JAZF1: variants seen among roughly 807,000 people sequenced by gnomAD.
JAZF1 encodes the protein JAZF zinc finger 1, also known as juxtaposed with another zinc finger protein 1.
Under a neutral mutation model 26.4 loss-of-function variants are expected in JAZF1, and 8 were observed. The observed-to-expected ratio is 0.30, with a 90% CI of 0.18 to 0.55. The LOEUF is 0.55. JAZF1 is among the 20% of genes least tolerant of loss of function. JAZF1 has a pLI of 0.94. For missense variants in JAZF1, 199 were observed against 322.0 expected, an observed-to-expected ratio of 0.62 and a Z score of 2.92; for synonymous variants, 126 against 122.3, an observed-to-expected ratio of 1.03 and a Z score of -0.20.
intron 2 of JAZF1, among the ~76,000 whole-genome samples, chr7:27,916,829 C>G (rs1415103721): frequency 6.6e-6 from 1 of 152,230 alleles, no homozygotes; most frequent in Admixed American, 6.5e-5. Context: ...ACTCAAAAAT[C>G]CCACCGCTCT....
chr7:27,887,814 T>C (rs1165511845), intron 3 of JAZF1, among the ~76,000 whole-genome samples: 1 of 152,204 alleles, frequency 6.6e-6, no homozygotes, highest in East Asian at 1.9e-4. Context: ...CCTATTTCCT[T>C]GTTGCCATCC....
At chr7:28,116,709 A>C (rs1368894871) in intron 1 of JAZF1, among the ~76,000 whole-genome samples, 3 of 152,110 alleles carry the variant, frequency 2.0e-5, no homozygotes, top group East Asian at 3.9e-4. Context: ...CAGTCTCCCA[A>C]AGTGCTGGGA....
At chr7:27,950,552 A>G (rs1373545923) in intron 2 of JAZF1, among the ~76,000 whole-genome samples, 4 of 152,198 alleles carry the variant, frequency 2.6e-5, no homozygotes, top group Non-Finnish European at 1.5e-5. Context: ...TTTACCAAAA[A>G]CCAGGATTTT....
intron 2 of JAZF1, among the ~76,000 whole-genome samples, chr7:27,915,596 A>G (rs2128346585): frequency 6.6e-6 from 1 of 152,368 alleles, no homozygotes; most frequent in South Asian, 2.1e-4. Context: ...ATCCTGAATA[A>G]GGTGAAGTGC....
At chr7:27,897,416 C>A (rs1234164223) in intron 2 of JAZF1, among the ~76,000 whole-genome samples, 2 of 152,154 alleles carry the variant, frequency 1.3e-5, no homozygotes, top group Non-Finnish European at 2.9e-5. Flanking sequence ...CAGGTTTATT[C>A]TCTGTAAAAT....
chr7:28,113,229 T>C lies in JAZF1; in HGVS notation c.115+67234A>G, dbSNP rs569642028. The stretch of plus-strand genomic sequence containing the variant: ...GTTGCTTTATGGCGACAGACTACAG[T>C]ATTTAGAGATGGAAATGATCGCCAG... On this transcript the variant is annotated intron_variant, in intron 1 of 4. Coordinates refer to ENST00000283928, the MANE Select transcript of JAZF1 (RefSeq NM_175061.4). 5.9e-5 allele frequency among the ~76,000 whole-genome samples: 9 copies of C among 152,194 alleles called. No homozygotes were observed. The South Asian group carries it at 1.9e-3, about 32-fold the overall frequency.
intron 1 of JAZF1, among the ~76,000 whole-genome samples, chr7:28,134,947 T>C (rs1782857259): frequency 6.6e-6 from 1 of 152,210 alleles, no homozygotes; most frequent in Admixed American, 6.5e-5. Context: ...GCTTTATATA[T>C]ACACGTGCTC....
chr7:28,000,331 T>G (rs1027484222), intron 1 of JAZF1, among the ~76,000 whole-genome samples: 17 of 152,294 alleles, frequency 1.1e-4, no homozygotes, highest in Admixed American at 6.5e-4. Flanking sequence ...GCAGGGATGC[T>G]GCTGAACACC....
At chr7:27,878,106 G>C (rs545505978) in intron 3 of JAZF1, among the ~76,000 whole-genome samples, 26 of 152,302 alleles carry the variant, frequency 1.7e-4, no homozygotes, top group African/African-American at 6.3e-4. Flanking sequence ...TGGCTCGATG[G>C]GGTCTCAGGA....
chr7:28,054,157 A>G (rs533866115), intron 1 of JAZF1, among the ~76,000 whole-genome samples: 3 of 152,292 alleles, frequency 2.0e-5, no homozygotes, highest in Admixed American at 2.0e-4. Flanking sequence ...ATATAATCCT[A>G]TATCTACTTA....
At chr7:27,865,644 C>T (rs951928591) in intron 3 of JAZF1, among the ~76,000 whole-genome samples, 1 of 151,988 alleles carries the variant, frequency 6.6e-6, no homozygotes, top group African/African-American at 2.4e-5. Context: ...TGGCGACCAT[C>T]GACAAGATGT....
chr7:28,179,557 G>C lies in JAZF1; in HGVS notation c.115+906C>G, dbSNP rs1401806806. Among the ~76,000 whole-genome samples the C allele has an allele frequency of 1.1e-4, 16 of 151,774 alleles. No individual in the cohort carries two copies. The East Asian group carries it at 3.1e-3, about 30-fold the overall frequency. The stretch of plus-strand genomic sequence containing the variant: ...GGGTGCATTTAAATGCCCGGCCATG[G>C]GCCCTGGGGGTGTCTCTCCAGCGGG... On this transcript the variant is annotated intron_variant, in intron 1 of 4. Transcript: ENST00000283928.
intron 1 of JAZF1, among the ~76,000 whole-genome samples, chr7:28,093,836 C>T (rs534789396): frequency 3.3e-5 from 5 of 152,216 alleles, no homozygotes; most frequent in Non-Finnish European, 7.3e-5. Context: ...GTGGCAATGC[C>T]TGCAAACAAG....
chr7:28,110,926 T>C (rs1784651718), intron 1 of JAZF1, among the ~76,000 whole-genome samples: 1 of 152,214 alleles, frequency 6.6e-6, no homozygotes, highest in Non-Finnish European at 1.5e-5. Flanking sequence ...TTTGTAAAGA[T>C]AGCAGTAAAA....
chr7:28,150,557 T>A (rs904413884), intron 1 of JAZF1, among the ~76,000 whole-genome samples: 2 of 152,224 alleles, frequency 1.3e-5, no homozygotes, highest in Non-Finnish European at 2.9e-5. Flanking sequence ...TTTTTTCTCA[T>A]TGCATGAGGA....
chr7:28,017,792 G>C (rs1400282792), intron 1 of JAZF1, among the ~76,000 whole-genome samples: 4 of 152,140 alleles, frequency 2.6e-5, no homozygotes, highest in East Asian at 2.0e-4. Context: ...TTGTTTGTTT[G>C]AGACAGAGTC....
In JAZF1 at chr7:27,945,722, G is replaced by GT. The variant is rs753856991; in HGVS notation, c.188+46186dup. ...CCTATGGGATTTGTATGCACTTTAA[G>GT]TTTAAGAAGCACTGGTCTGGAAATG... On this transcript the variant is annotated intron_variant, in intron 2 of 4. Transcript: ENST00000283928. 3.6e-4 allele frequency among the ~76,000 whole-genome samples: 55 copies of GT among 152,300 alleles called. No homozygotes were observed. In the Middle Eastern group the frequency reaches 0.014, roughly 38 times the overall value.
intron 1 of JAZF1, among the ~76,000 whole-genome samples, chr7:28,053,649 G>C (rs142619483): frequency 1.1e-3 from 162 of 152,292 alleles, no homozygotes; most frequent in African/African-American, 3.7e-3. Flanking sequence ...GTATCCCAAA[G>C]AACCAAAATA....
At chr7:28,126,760 G>A (rs1352354998) in intron 1 of JAZF1, among the ~76,000 whole-genome samples, 2 of 152,132 alleles carry the variant, frequency 1.3e-5, no homozygotes, top group Non-Finnish European at 2.9e-5. Context: ...GCAAAAGTCT[G>A]CCATGTGAGG....
Sources: gnomAD v4.1 joint callset for allele counts (sites outside exome capture counted in the v4.1 genomes callset) on GRCh38, gnomAD v4.1.1 for gene constraint, MANE v1.5 for transcripts, NCBI Gene and HGNC (gene_info 2026-07-23, HGNC 2026-07-21) for gene names.